E2F4: variants seen among roughly 807,000 people sequenced by gnomAD.
The protein encoded by E2F4 is transcription factor E2F4.
E2F4 carries 16 observed loss-of-function variants against 44.5 expected under a neutral mutation model. That is an observed-to-expected ratio of 0.36 (90% CI 0.24 to 0.55). E2F4 has a LOEUF of 0.55. Among genes scored for constraint, E2F4 ranks in the 20% least tolerant of loss-of-function variants. The pLI, the probability that E2F4 is intolerant of heterozygous loss-of-function variation, is 0.87. For missense variants in E2F4, 473 were observed against 522.1 expected (o/e 0.91, Z 0.92); for synonymous variants, 242 against 207.2 (o/e 1.17, Z -1.44).
At chr16:67,193,549 G>A (rs1018912367) in intron 4 of E2F4, 34 bp downstream of exon 4, 4 of 1,612,522 alleles carry the variant, frequency 2.5e-6, no homozygotes, top group Non-Finnish European at 3.4e-6. Context: ...AAGGGGGTGG[G>A]CTGGGCTCAG....
Position 67,195,950 on chromosome 16 carries a change from C to T in E2F4, c.977C>T (p.Ser326Leu), listed in dbSNP as rs774753887. The change falls in exon 7 of 10, where the codon TCG becomes TTG. Residue 326 changes from serine (S) to leucine (L), a missense_variant. Ser to Leu is a moderately radical substitution (Grantham distance 145). Coordinates refer to ENST00000379378, the MANE Select transcript of E2F4 (RefSeq NM_001950.4). ...SSSSNSNSSS[S>L]SGPNPSTSFE... ...AGCAGCAACAGTAACAGCAGCAGTT[C>T]GTCCGGACCCAACCCTTCTACCTCC... 6.2e-6 allele frequency: 10 copies of T among 1,613,146 alleles called. No homozygotes were observed. Among genetic ancestry groups the T allele is most frequent in the Admixed American group, 1.7e-5 (1 of 59,944 alleles).
intron 6 of E2F4, among the ~76,000 whole-genome samples, chr16:67,195,304 G>A (rs3730401): frequency 1.1e-3 from 171 of 152,220 alleles, no homozygotes; most frequent in African/African-American, 2.9e-3. Flanking sequence ...GCTAATTCTC[G>A]TACTTCTAAT....
chr16:67,196,975 T>C (rs1304602546), intron 7 of E2F4, among the ~76,000 whole-genome samples: 1 of 152,214 alleles, frequency 6.6e-6, no homozygotes, highest in Non-Finnish European at 1.5e-5. Context: ...CTTCAGCATC[T>C]TTCTCTTTAC....
In E2F4 at chr16:67,198,435, C is replaced by A. The variant is rs556137987; in HGVS notation, c.*312C>A. ...ACAGAACCGAGGAGCTGCCATTACC[C>A]CCCATAGGGGGCAGTGTCTTGTTCC... On this transcript the variant is annotated 3_prime_UTR_variant, in exon 10 of 10. Coordinates refer to ENST00000379378, the MANE Select transcript of E2F4 (RefSeq NM_001950.4). 7 of 366,060 alleles carry A rather than the reference C, an allele frequency of 1.9e-5. No homozygotes were observed. The highest frequency in any genetic ancestry group is 8.2e-4 in the Middle Eastern group (1 of 1,218). The allele number at this position is 366,060 out of a possible 1,614,324, so 22.7% of individuals were successfully genotyped here. A position where few individuals can be genotyped will look rare whatever the true frequency, so the allele number is the denominator to read the frequency against.
At position 67,198,301 on chromosome 16, in the gene E2F4, C is replaced by T. The variant is rs113365817; in HGVS notation, c.*178C>T. The T allele has an allele frequency of 9.8e-6, 6 of 612,192 alleles. No individual in the cohort carries two copies. The highest frequency in any genetic ancestry group is 1.2e-5 in the Non-Finnish European group (4 of 344,078). 37.9% of individuals were successfully genotyped at this position (612,192 alleles called of 1,614,324 possible). A position where few individuals can be genotyped will look rare whatever the true frequency, so the allele number is the denominator to read the frequency against. ...CCGCTCCTGTGCTGGCACTTCTGTG[C>T]TCGCAGAGCAGGGGAACAGGACTCA... On this transcript the variant is annotated 3_prime_UTR_variant, in exon 10 of 10. Transcript: ENST00000379378.
chr16:67,195,161 C>G (rs1158406683), intron 6 of E2F4, among the ~76,000 whole-genome samples, 181 bp downstream of exon 6: 1 of 152,228 alleles, frequency 6.6e-6, no homozygotes, highest in Non-Finnish European at 1.5e-5. Context: ...GAGACGGAGT[C>G]TCACTGTGTC....
chr16:67,195,646 G>T (rs2032954902), intron 6 of E2F4, 136 bp from the exon 7 acceptor site: 1 of 1,501,192 alleles, frequency 6.7e-7, no homozygotes, highest in African/African-American at 1.4e-5. Flanking sequence ...TTCCTCTGGG[G>T]GTGACTGGCA....
chr16:67,196,171 C>T (rs1461498787), intron 7 of E2F4, among the ~76,000 whole-genome samples, 165 bp downstream of exon 7: 1 of 152,136 alleles, frequency 6.6e-6, no homozygotes. Context: ...CCTCTAGCAC[C>T]CCATCCTAGG....
chr16:67,192,185 G>A lies in E2F4; in HGVS notation c.-43G>A, dbSNP rs2032895552. 1.7e-6 allele frequency: 2 copies of A among 1,206,320 alleles called. No individual in the cohort carries two copies. The highest frequency in any genetic ancestry group is 2.1e-6 in the Non-Finnish European group (2 of 970,698). 74.7% of individuals were successfully genotyped at this position (1,206,320 alleles called of 1,614,324 possible). Reference sequence around the variant, plus strand: ...CGGAAGCGGAAGTGGCGGCGGCGCCGGCCTGGCCTGGCCTGGCTGAGGGGA... The same window carrying A: ...CGGAAGCGGAAGTGGCGGCGGCGCCAGCCTGGCCTGGCCTGGCTGAGGGGA... On this transcript the variant is annotated 5_prime_UTR_variant, in exon 1 of 10. Coordinates refer to ENST00000379378, the MANE Select transcript of E2F4 (RefSeq NM_001950.4).
intron 7 of E2F4, among the ~76,000 whole-genome samples, chr16:67,196,889 C>G (rs2100135912): frequency 6.6e-6 from 1 of 152,192 alleles, no homozygotes; most frequent in Non-Finnish European, 1.5e-5. Context: ...TAACTGAGGT[C>G]TGTCCCAGAT....
chr16:67,195,756 A>C (rs2142213100), intron 6 of E2F4, 26 bp from the exon 7 acceptor site: 1 of 1,613,428 alleles, frequency 6.2e-7, no homozygotes, highest in Non-Finnish European at 8.5e-7. Flanking sequence ...ACCTTGTATG[A>C]CTGGGTTTGG....
intron 3 of E2F4, 78 bp downstream of exon 3, chr16:67,193,248 T>C (rs2032916846): frequency 6.5e-7 from 1 of 1,528,676 alleles, no homozygotes; most frequent in Non-Finnish European, 8.8e-7. Context: ...CCTGTTCCTC[T>C]TGGGAGTTTG....
chr16:67,195,108 C>T, intron 6 of E2F4, 128 bp downstream of exon 6: 2 of 1,205,192 alleles, frequency 1.7e-6, no homozygotes, highest in South Asian at 1.6e-5. Context: ...ACCTAGCCTT[C>T]CCTTGCTATG....
At chr16:67,197,978 C>T (rs1397949304) in intron 9 of E2F4, 30 bp from the exon 10 acceptor site, 6 of 1,613,766 alleles carry the variant, frequency 3.7e-6, no homozygotes, top group Non-Finnish European at 8.5e-7. Flanking sequence ...GGAGCCCTGG[C>T]CCAGGGCCTG....
chr16:67,194,289 C>A, intron 4 of E2F4, 109 bp from the exon 5 acceptor site: 1 of 1,216,642 alleles, frequency 8.2e-7, no homozygotes, highest in Non-Finnish European at 1.2e-6. Context: ...GGCCCACTGT[C>A]TAGTTCCTCA....
Position 67,198,917 on chromosome 16 carries a change from T to G in E2F4, c.*794T>G. ...AGTGAATAAAAACCATGCCTAAGGC[T>G]AGCTCTGATGTGGTTCTTTGGGGAC... is the stretch of plus-strand genomic sequence containing the variant. On this transcript the variant is annotated 3_prime_UTR_variant, in exon 10 of 10. Coordinates refer to ENST00000379378, the MANE Select transcript of E2F4 (RefSeq NM_001950.4). 1.8e-6 allele frequency: 1 copy of G among 570,004 alleles called. No individual in the cohort carries two copies. Among genetic ancestry groups the G allele is most frequent in the African/African-American group, 1.9e-5 (1 of 53,278 alleles). The allele number at this position is 570,004 out of a possible 1,614,324, so 35.3% of individuals were successfully genotyped here.
At chr16:67,197,685 G>A (rs1168916805) in intron 8 of E2F4, 39 bp downstream of exon 8, 2 of 1,612,188 alleles carry the variant, frequency 1.2e-6, no homozygotes, top group East Asian at 2.2e-5. Flanking sequence ...AGGGGTAAGG[G>A]ACACAGCTCA....
At chr16:67,193,264 T>G in intron 3 of E2F4, 94 bp downstream of exon 3, 1 of 1,524,950 alleles carries the variant, frequency 6.6e-7, no homozygotes, top group Non-Finnish European at 8.9e-7. Flanking sequence ...GTTTGTCTTA[T>G]AGCCACTGGC....
rs777043884 is a variant in E2F4 at position 67,195,932 on chromosome 16, A to AGCAGCAG, written c.959_960insGCAGCAG (p.Asn320LysfsTer5). On this transcript the variant is annotated frameshift_variant, in exon 7 of 10. Coordinates refer to ENST00000379378, the MANE Select transcript of E2F4 (RefSeq NM_001950.4). LOFTEE classifies it high-confidence loss of function. Reference sequence around the variant, plus strand: ...AGCAGCAGCAGCAGCAGCAGCAGCAACAGTAACAGCAGCAGTTCGTCCGGA... The same window carrying AGCAGCAG: ...AGCAGCAGCAGCAGCAGCAGCAGCAAGCAGCAGCAGTAACAGCAGCAGTTCGTCCGGA... 2 of 1,588,154 alleles carry AGCAGCAG rather than the reference A, an allele frequency of 1.3e-6. No homozygotes were observed. Among genetic ancestry groups the AGCAGCAG allele is most frequent in the East Asian group, 2.3e-5 (1 of 44,438 alleles).
Sources: gnomAD v4.1 joint callset for allele counts (sites outside exome capture counted in the v4.1 genomes callset) on GRCh38, gnomAD v4.1.1 for gene constraint, MANE v1.5 for transcripts, NCBI Gene and HGNC (gene_info 2026-07-23, HGNC 2026-07-21) for gene names.